SLIT2: variants seen among roughly 807,000 people sequenced by gnomAD.
SLIT2 encodes the protein slit guidance ligand 2.
Under a neutral mutation model 185.7 loss-of-function variants are expected in SLIT2, and 41 were observed. That is an observed-to-expected ratio of 0.22 (90% confidence interval 0.17 to 0.29). SLIT2 has a LOEUF of 0.29. SLIT2 is among the 10% of genes least tolerant of loss of function. SLIT2 has a pLI of 1.00. For synonymous variants in SLIT2, 693 were observed against 680.2 expected (o/e 1.02, Z -0.29); for missense variants, 1,571 against 1,909.0 (o/e 0.82, Z 3.30).
intron 8 of SLIT2, among the ~76,000 whole-genome samples, chr4:20,491,272 T>G (rs566385048): frequency 6.6e-6 from 1 of 152,228 alleles, no homozygotes; most frequent in Non-Finnish European, 1.5e-5. Flanking sequence ...CCCACATTTA[T>G]TGGCATATGA....
intron 4 of SLIT2, among the ~76,000 whole-genome samples, chr4:20,320,913 C>T (rs1192052943): frequency 2.0e-5 from 3 of 152,090 alleles, no homozygotes; most frequent in African/African-American, 7.2e-5. Flanking sequence ...CCTGTAATCC[C>T]AGCACTTTGG....
chr4:20,316,370 G>A (rs1173532194), intron 4 of SLIT2, among the ~76,000 whole-genome samples: 1 of 151,892 alleles, frequency 6.6e-6, no homozygotes, highest in African/African-American at 2.4e-5. Context: ...AAGGAGACAA[G>A]ACCAGAAATT....
rs1722213401 is a variant in SLIT2 at position 20,253,666 on chromosome 4, CT to C, written c.-148del. On this transcript the variant is annotated 5_prime_UTR_variant, in exon 1 of 37. Transcript: ENST00000504154. ...CGTGTGCCTGAGTGGGCTCTACTGC[CT>C]TGTTCCATATTATTTGGTGCACATT... 1 of 898,014 alleles carries C rather than the reference CT, an allele frequency of 1.1e-6. No homozygotes were observed. Among genetic ancestry groups the C allele is most frequent in the Non-Finnish European group, 1.7e-6 (1 of 590,264 alleles). The allele number at this position is 898,014 out of a possible 1,614,324, so 55.6% of individuals were successfully genotyped here. A position where few individuals can be genotyped will look rare whatever the true frequency, so the allele number is the denominator to read the frequency against.
At chr4:20,356,959 G>A (rs2109280809) in intron 4 of SLIT2, among the ~76,000 whole-genome samples, 1 of 152,046 alleles carries the variant, frequency 6.6e-6, no homozygotes, top group East Asian at 1.9e-4. Context: ...GGGCGTGCAA[G>A]TTTAAAACAA....
intron 4 of SLIT2, among the ~76,000 whole-genome samples, chr4:20,295,158 A>T: frequency 6.6e-6 from 1 of 152,194 alleles, no homozygotes. Context: ...CTTGCCTTAA[A>T]CATTTATAAT....
chr4:20,499,419 G>A (rs1718507105), intron 9 of SLIT2, among the ~76,000 whole-genome samples: 1 of 151,992 alleles, frequency 6.6e-6, no homozygotes, highest in African/African-American at 2.4e-5. Flanking sequence ...TCAAAATATT[G>A]AATCCTTAAT....
At chr4:20,520,350 T>G (rs1720732684) in intron 12 of SLIT2, among the ~76,000 whole-genome samples, 1 of 152,218 alleles carries the variant, frequency 6.6e-6, no homozygotes, top group Non-Finnish European at 1.5e-5. Context: ...AAAATGCAAA[T>G]ATTAAAACTT....
chr4:20,412,249 A>G lies in SLIT2; in HGVS notation c.396-55503A>G, dbSNP rs13128240. Among the ~76,000 whole-genome samples, 397 of 151,982 alleles carry G rather than the reference A, an allele frequency of 2.6e-3. 2 individuals are homozygous for G. Among genetic ancestry groups the G allele is most frequent in the Non-Finnish European group, 4.2e-3 (288 of 67,960 alleles). ...ACGTTCTTGATTTTTCAATGTTTTTATCAAGAACAAATTTGCTGACTCTTG... is the reference window on the plus strand; with the variant it reads ...ACGTTCTTGATTTTTCAATGTTTTTGTCAAGAACAAATTTGCTGACTCTTG... On this transcript the variant is annotated intron_variant, in intron 4 of 36. Transcript: ENST00000504154.
chr4:20,438,633 C>T (rs11723573), intron 4 of SLIT2, among the ~76,000 whole-genome samples: 20,064 of 152,160 alleles, frequency 0.13, 1,524 homozygotes, highest in Admixed American at 0.23. Context: ...CACACCAGCC[C>T]TTACCTTGAT....
At chr4:20,606,042 C>A (rs1728776069) in intron 33 of SLIT2, among the ~76,000 whole-genome samples, 1 of 152,168 alleles carries the variant, frequency 6.6e-6, no homozygotes, top group Admixed American at 6.5e-5. Flanking sequence ...AGCCACCACG[C>A]CTGGCCCACT....
intron 34 of SLIT2, among the ~76,000 whole-genome samples, chr4:20,614,560 C>A (rs1268745409): frequency 6.6e-6 from 1 of 151,620 alleles, no homozygotes; most frequent in African/African-American, 2.4e-5. Context: ...GGTGGATCAC[C>A]TGAGGTCGGG....
rs1713303203 is a variant in SLIT2 at position 20,268,816 on chromosome 4, A to G, written c.330A>G (p.Leu110=). ...GTTTTTGTTTTCTCAAAAGGCGTTT[A>G]AACAGAAATCACCTTCAGCTGTTTC... is the stretch of plus-strand genomic sequence containing the variant. ...QDLKELERLR[L]NRNHLQLFPE... The change falls in exon 4 of 37, where the codon TTA becomes TTG. Residue 110 remains leucine, a synonymous_variant. Transcript: ENST00000504154. 1.9e-6 allele frequency: 3 copies of G among 1,609,834 alleles called. No individual in the cohort carries two copies. The highest frequency in any genetic ancestry group is 2.2e-5 in the East Asian group (1 of 44,788).
intron 26 of SLIT2, among the ~76,000 whole-genome samples, chr4:20,558,788 A>G (rs1724466272): frequency 6.6e-6 from 1 of 152,092 alleles, no homozygotes; most frequent in Non-Finnish European, 1.5e-5. Context: ...TGCCCAATAC[A>G]ACTTTCTATA....
intron 4 of SLIT2, among the ~76,000 whole-genome samples, chr4:20,297,338 T>G (rs1244509999): frequency 6.6e-6 from 1 of 152,236 alleles, no homozygotes; most frequent in East Asian, 1.9e-4. Context: ...GAAGCAAGTC[T>G]TCTTTTTGTA....
intron 4 of SLIT2, among the ~76,000 whole-genome samples, chr4:20,382,119 G>GA (rs576579461): frequency 1.2e-4 from 19 of 152,144 alleles, no homozygotes; most frequent in African/African-American, 4.1e-4. Context: ...TATATTAACA[G>GA]ATTTTTTTCA....
intron 4 of SLIT2, among the ~76,000 whole-genome samples, chr4:20,297,688 ATC>A (rs767838089): frequency 1.1e-4 from 17 of 151,650 alleles, no homozygotes; most frequent in African/African-American, 3.1e-4. Flanking sequence ...TTTAAAAAAA[ATC>A]TCATGGGTTT....
At chr4:20,384,882 A>C in intron 4 of SLIT2, among the ~76,000 whole-genome samples, 1 of 152,202 alleles carries the variant, frequency 6.6e-6, no homozygotes, top group East Asian at 1.9e-4. Context: ...GGCCTGAGAC[A>C]CATTCTGGCC....
intron 8 of SLIT2, chr4:20,490,748 C>T: frequency 8.5e-7 from 1 of 1,176,248 alleles, no homozygotes; most frequent in Non-Finnish European, 1.2e-6. Context: ...AAATGACTAA[C>T]AGTTCGTTAC....
intron 9 of SLIT2, among the ~76,000 whole-genome samples, chr4:20,505,155 T>A (rs1412176524): frequency 1.3e-5 from 2 of 152,086 alleles, no homozygotes; most frequent in African/African-American, 4.8e-5. Context: ...AATACCATAT[T>A]TTTTTCTACA....
Sources: gnomAD v4.1 joint callset for allele counts (sites outside exome capture counted in the v4.1 genomes callset) on GRCh38, gnomAD v4.1.1 for gene constraint, MANE v1.5 for transcripts, NCBI Gene and HGNC (gene_info 2026-07-23, HGNC 2026-07-21) for gene names.